SLC35E3: variants seen among roughly 807,000 people sequenced by gnomAD.
The protein encoded by SLC35E3 is solute carrier family 35 member E3.
In SLC35E3, 28 loss-of-function variants were observed where a neutral mutation model predicts 30.8. The ratio of observed to expected loss-of-function variants is 0.91; its 90% CI spans 0.67 to 1.25. The LOEUF is 1.25. Ranked by LOEUF, SLC35E3 falls within the 50% of genes most tolerant of loss-of-function variation. The pLI is 0.00. For missense variants in SLC35E3, 365 were observed against 375.4 expected, an observed-to-expected ratio of 0.97 and a Z score of 0.23; for synonymous variants, 146 against 149.2, an observed-to-expected ratio of 0.98 and a Z score of 0.16.
rs1879361711 is a variant in SLC35E3, at chr12:68,765,353, C to G, written c.*463C>G. 1 of 151,742 alleles carries G rather than the reference C, an allele frequency of 6.6e-6. No individual in the cohort carries two copies. The highest frequency in any genetic ancestry group is 1.5e-5 in the Non-Finnish European group (1 of 68,054). 9.4% of individuals were successfully genotyped at this position (151,742 alleles called of 1,614,324 possible). ...CATATAATGACTTTTTTTTAAGAGT[C>G]TCTTTTTTAAAAAAACTTAATTCTC... On this transcript the variant is annotated 3_prime_UTR_variant, in exon 5 of 5. Coordinates refer to ENST00000398004, the MANE Select transcript of SLC35E3 (RefSeq NM_018656.5).
At chr12:68,751,277 C>T (rs1358414141) in intron 2 of SLC35E3, among the ~76,000 whole-genome samples, 1 of 150,506 alleles carries the variant, frequency 6.6e-6, no homozygotes, top group Non-Finnish European at 1.5e-5. Context: ...CCATTGTCAT[C>T]GTGTCCCCCC....
chr12:68,766,873 C>G lies in SLC35E3; in HGVS notation c.*1983C>G. 1 of 387,394 alleles carries G rather than the reference C, an allele frequency of 2.6e-6. No individual in the cohort carries two copies. Among genetic ancestry groups the G allele is most frequent in the Non-Finnish European group, 5.3e-6 (1 of 189,470 alleles). The allele number at this position is 387,394 out of a possible 1,614,324, so 24.0% of individuals were successfully genotyped here. A position where few individuals can be genotyped will look rare whatever the true frequency, so the allele number is the denominator to read the frequency against. On this transcript the variant is annotated 3_prime_UTR_variant, in exon 5 of 5. Transcript: ENST00000398004. ...GTGCTGGGATTACAGGCCTGAGCCA[C>G]CACACCTGGCCAGTAATTTCTTAAT...
At chr12:68,747,890 G>A in intron 1 of SLC35E3, 40 bp from the exon 2 acceptor site, 1 of 1,098,514 alleles carries the variant, frequency 9.1e-7, no homozygotes, top group East Asian at 2.4e-5. Context: ...TTTGTCTCTT[G>A]AATTTAATCT....
At position 68,770,235 on chromosome 12, in the gene SLC35E3, G is replaced by T. The variant is rs1879566649; in HGVS notation, c.*5345G>T. ...AAATTTGGGAGTGGGGAGACATGGT[G>T]TGTCCTGCACCTGGAAATGTAGATA... On this transcript the variant is annotated 3_prime_UTR_variant, in exon 5 of 5. Transcript: ENST00000398004. The T allele has an allele frequency of 6.6e-6, 1 of 152,288 alleles. No homozygotes were observed. Among genetic ancestry groups the T allele is most frequent in the Non-Finnish European group, 1.5e-5 (1 of 68,114 alleles). 9.4% of individuals were successfully genotyped at this position (152,288 alleles called of 1,614,324 possible). A position where few individuals can be genotyped will look rare whatever the true frequency, so the allele number is the denominator to read the frequency against.
chr12:68,758,329 A>G (rs568702553), intron 3 of SLC35E3, among the ~76,000 whole-genome samples: 153 of 152,104 alleles, frequency 1.0e-3, no homozygotes, highest in Non-Finnish European at 1.8e-3. Context: ...ATGAGGAAGG[A>G]GAATCATTTG....
At chr12:68,759,600 A>G (rs1879171620) in intron 4 of SLC35E3, among the ~76,000 whole-genome samples, 2 of 151,980 alleles carry the variant, frequency 1.3e-5, no homozygotes, top group African/African-American at 4.8e-5. Context: ...GCTACTCAGG[A>G]GGCTGAGGCA....
intron 3 of SLC35E3, among the ~76,000 whole-genome samples, chr12:68,754,718 G>A (rs1878939017): frequency 1.3e-5 from 2 of 152,220 alleles, no homozygotes; most frequent in Non-Finnish European, 1.5e-5. Context: ...ATGGAAATGA[G>A]TCCCAGGAGT....
At chr12:68,752,327 A>C in intron 3 of SLC35E3, 137 bp downstream of exon 3, 1 of 932,828 alleles carries the variant, frequency 1.1e-6, no homozygotes, top group Non-Finnish European at 1.6e-6. Context: ...AAAGGAGGTA[A>C]GGTAAGGATT....
intron 2 of SLC35E3, among the ~76,000 whole-genome samples, chr12:68,751,777 A>G (rs1229225048): frequency 6.6e-6 from 1 of 152,184 alleles, no homozygotes; most frequent in East Asian, 1.9e-4. Context: ...GAAATAGAGG[A>G]CTTTTCTCCT....
At chr12:68,751,442 G>A (rs1230792751) in intron 2 of SLC35E3, among the ~76,000 whole-genome samples, 5 of 151,988 alleles carry the variant, frequency 3.3e-5, no homozygotes, top group East Asian at 1.9e-4. Flanking sequence ...GACCACAGGC[G>A]CCCGCCACCA....
chr12:68,764,954 G>T lies in SLC35E3; in HGVS notation c.*64G>T. The stretch of plus-strand genomic sequence containing the variant: ...ATAAAAAATATTGTTAAGTGTGCAA[G>T]TTATTAAAAAAAAAAAATTGGGCCA... On this transcript the variant is annotated 3_prime_UTR_variant, in exon 5 of 5. Coordinates refer to ENST00000398004, the MANE Select transcript of SLC35E3 (RefSeq NM_018656.5). The T allele has an allele frequency of 6.7e-7, 1 of 1,492,516 alleles. No homozygotes were observed. Among genetic ancestry groups the T allele is most frequent in the Non-Finnish European group, 9.1e-7 (1 of 1,103,900 alleles). The allele number at this position is 1,492,516 out of a possible 1,614,324, so 92.5% of individuals were successfully genotyped here.
In SLC35E3 at chr12:68,774,837, A is replaced by G. The variant is rs200313406; in HGVS notation, c.*9947A>G. On this transcript the variant is annotated 3_prime_UTR_variant, in exon 5 of 5. Transcript: ENST00000398004. The stretch of plus-strand genomic sequence containing the variant: ...CCTATCTCTTAAAAAAAAAAAAAAA[A>G]AGATAAAATAAAAGAAATTGGGTCT... The G allele has an allele frequency of 3.8e-3, 553 of 143,670 alleles. 4 individuals carry two copies. The highest frequency in any genetic ancestry group is 7.2e-3 in the East Asian group (35 of 4,860). 8.9% of individuals were successfully genotyped at this position (143,670 alleles called of 1,614,324 possible).
Position 68,758,642 on chromosome 12 carries a change from G to T in SLC35E3, c.673-515G>T, listed in dbSNP as rs1266704200. 4.1e-5 allele frequency among the ~76,000 whole-genome samples: 6 copies of T among 147,476 alleles called. No individual in the cohort carries two copies. In the East Asian group the frequency reaches 6.0e-4, roughly 15 times the overall value. The stretch of plus-strand genomic sequence containing the variant: ...ATTGCAGTATTTTTCGTTGATTCTT[G>T]TGGAAAAAATTACGTTTTTTCTAAA... On this transcript the variant is annotated intron_variant, in intron 3 of 4. Coordinates refer to ENST00000398004, the MANE Select transcript of SLC35E3 (RefSeq NM_018656.5).
chr12:68,749,086 G>A (rs529248364), intron 2 of SLC35E3, among the ~76,000 whole-genome samples: 4 of 152,324 alleles, frequency 2.6e-5, no homozygotes, highest in Non-Finnish European at 5.9e-5. Context: ...ATTAAACAGA[G>A]CAAGTAATTG....
chr12:68,757,742 A>C (rs1879076899), intron 3 of SLC35E3, among the ~76,000 whole-genome samples: 1 of 152,328 alleles, frequency 6.6e-6, no homozygotes, highest in Non-Finnish European at 1.5e-5. Context: ...GTTCCTCAGA[A>C]GGCCTGGCCT....
rs865993635 is a variant in SLC35E3 at position 68,746,312 on chromosome 12, G to C, written c.-66G>C. 29 of 1,492,232 alleles carry C rather than the reference G, an allele frequency of 1.9e-5. No individual in the cohort carries two copies. The Middle Eastern group carries it at 2.5e-3, about 129-fold the overall frequency. The allele number at this position is 1,492,232 out of a possible 1,614,324, so 92.4% of individuals were successfully genotyped here. A position where few individuals can be genotyped will look rare whatever the true frequency, so the allele number is the denominator to read the frequency against. ...TCTGCGAGGACGCGGCGGTGGAGTA[G>C]AAGGGCAGCCGGAGACAGGCCCGGC... On this transcript the variant is annotated 5_prime_UTR_variant, in exon 1 of 5. Transcript: ENST00000398004.
Position 68,770,920 on chromosome 12 carries a change from G to C in SLC35E3, c.*6030G>C, listed in dbSNP as rs961218460. 1.6e-5 allele frequency: 3 copies of C among 191,114 alleles called. No homozygotes were observed. The highest frequency in any genetic ancestry group is 3.4e-5 in the Non-Finnish European group (3 of 89,180). 11.8% of individuals were successfully genotyped at this position (191,114 alleles called of 1,614,324 possible). ...TCTGAACTAGGAAACACAAGAAGAG[G>C]ACTGAGGAGAGGGATGAGGCAGAGG... On this transcript the variant is annotated 3_prime_UTR_variant, in exon 5 of 5. Coordinates refer to ENST00000398004, the MANE Select transcript of SLC35E3 (RefSeq NM_018656.5).
At chr12:68,758,075 G>T (rs1439998828) in intron 3 of SLC35E3, among the ~76,000 whole-genome samples, 1 of 148,298 alleles carries the variant, frequency 6.7e-6, no homozygotes, top group African/African-American at 2.5e-5. Flanking sequence ...CTAGGCGACA[G>T]AATGAGACTC....
chr12:68,769,838 T>C lies in SLC35E3; in HGVS notation c.*4948T>C, dbSNP rs372332667. ...GTGCCAGGTACTGTCCTAGGCATTA[T>C]GGATATAAAACAGTTTTTATGTAGA... On this transcript the variant is annotated 3_prime_UTR_variant, in exon 5 of 5. Transcript: ENST00000398004. 2.0e-5 allele frequency: 3 copies of C among 152,346 alleles called. No individual in the cohort carries two copies. The highest frequency in any genetic ancestry group is 1.9e-4 in the East Asian group (1 of 5,192). 9.4% of individuals were successfully genotyped at this position (152,346 alleles called of 1,614,324 possible). A position where few individuals can be genotyped will look rare whatever the true frequency, so the allele number is the denominator to read the frequency against.
Sources: gnomAD v4.1 joint callset for allele counts (sites outside exome capture counted in the v4.1 genomes callset) on GRCh38, gnomAD v4.1.1 for gene constraint, MANE v1.5 for transcripts, NCBI Gene and HGNC (gene_info 2026-07-23, HGNC 2026-07-21) for gene names.